ILRUN: variants seen among roughly 807,000 people sequenced by gnomAD.
The protein encoded by ILRUN is protein ILRUN.
Under a neutral mutation model 33.8 loss-of-function variants are expected in ILRUN, and 3 were observed. That is an observed-to-expected ratio of 0.09 (90% confidence interval 0.04 to 0.23). The LOEUF (loss-of-function observed/expected upper bound fraction) is 0.23, where lower values mean the gene tolerates loss of function less well. Among genes scored for constraint, ILRUN ranks in the 10% least tolerant of loss-of-function variants. The pLI is 1.00. For synonymous variants in ILRUN, 124 were observed against 138.9 expected (o/e 0.89, Z 0.75); for missense variants, 210 against 375.1 (o/e 0.56, Z 3.64).
chr6:34,613,082 G>A (rs1459485155), intron 3 of ILRUN, among the ~76,000 whole-genome samples: 1 of 151,932 alleles, frequency 6.6e-6, no homozygotes, highest in Non-Finnish European at 1.5e-5. Flanking sequence ...GTGGTGGTGT[G>A]CACCTGTAGT....
Position 34,664,552 on chromosome 6 carries a change from A to AT in ILRUN, c.159-9774dup, listed in dbSNP as rs144642525. 2.3e-3 allele frequency among the ~76,000 whole-genome samples: 347 copies of AT among 152,346 alleles called. 1 individual carries two copies. The highest frequency in any genetic ancestry group is 7.8e-3 in the African/African-American group (325 of 41,574). Reference sequence around the variant, plus strand: ...GAACTCAATTTGCCATCAAAGATACATATTTAGAAATAACTCCCATTCTTG... The same window carrying AT: ...GAACTCAATTTGCCATCAAAGATACATTATTTAGAAATAACTCCCATTCTTG... On this transcript the variant is annotated intron_variant, in intron 1 of 4. Transcript: ENST00000374023.
chr6:34,643,004 A>AAG (rs200742555), intron 3 of ILRUN, among the ~76,000 whole-genome samples: 1 of 150,520 alleles, frequency 6.6e-6, no homozygotes, highest in South Asian at 2.1e-4. Context: ...GAAAGAATGA[A>AAG]AGAGAGAGAG....
At chr6:34,618,167 G>C (rs1761937841) in intron 3 of ILRUN, among the ~76,000 whole-genome samples, 1 of 152,102 alleles carries the variant, frequency 6.6e-6, no homozygotes, top group African/African-American at 2.4e-5. Context: ...ATGAAAATCT[G>C]TTCAGAATGA....
At chr6:34,602,681 C>T (rs887383474) in intron 4 of ILRUN, among the ~76,000 whole-genome samples, 2 of 152,200 alleles carry the variant, frequency 1.3e-5, no homozygotes, top group African/African-American at 4.8e-5. Flanking sequence ...GACAGTTCAG[C>T]CACAACTGAG....
chr6:34,692,671 A>C (rs1221531730), intron 1 of ILRUN, among the ~76,000 whole-genome samples: 1 of 152,168 alleles, frequency 6.6e-6, no homozygotes, highest in African/African-American at 2.4e-5. Context: ...ACAGTGGCTC[A>C]TGTCTATAAT....
In ILRUN at chr6:34,588,328, C is replaced by A; in HGVS notation, c.*2237G>T. 2.5e-6 allele frequency: 1 copy of A among 398,020 alleles called. No individual in the cohort carries two copies. Among genetic ancestry groups the A allele is most frequent in the Non-Finnish European group, 4.4e-6 (1 of 226,032 alleles). 24.7% of individuals were successfully genotyped at this position (398,020 alleles called of 1,614,324 possible). ...ACTCTGGCAGGCCCAGACCCACTGACGGTGGCCCATGAAGCCCCTGCTGGG... is the reference window on the plus strand; with the variant it reads ...ACTCTGGCAGGCCCAGACCCACTGAAGGTGGCCCATGAAGCCCCTGCTGGG... On this transcript the variant is annotated 3_prime_UTR_variant, in exon 5 of 5. Transcript: ENST00000374023.
intron 3 of ILRUN, among the ~76,000 whole-genome samples, chr6:34,630,731 A>C (rs775301930): frequency 1.1e-4 from 16 of 151,970 alleles, no homozygotes; most frequent in Non-Finnish European, 1.9e-4. Flanking sequence ...CCCAGGCTGG[A>C]CTTGAACTCC....
intron 1 of ILRUN, among the ~76,000 whole-genome samples, chr6:34,661,014 T>C (rs1328417502): frequency 6.6e-6 from 1 of 152,248 alleles, no homozygotes; most frequent in East Asian, 1.9e-4. Flanking sequence ...ACCCACTTCT[T>C]AGAGCCCTAT....
chr6:34,627,960 C>T (rs1030815997), intron 3 of ILRUN, among the ~76,000 whole-genome samples: 4 of 142,448 alleles, frequency 2.8e-5, no homozygotes, highest in East Asian at 3.9e-4. Flanking sequence ...CGCCTCAGTC[C>T]CCGAAGTACT....
intron 1 of ILRUN, among the ~76,000 whole-genome samples, chr6:34,690,460 CA>C (rs935313700): frequency 2.1e-5 from 3 of 143,340 alleles, no homozygotes; most frequent in African/African-American, 2.6e-5. Flanking sequence ...AACTATGTCT[CA>C]AAAAAAAATT....
intron 1 of ILRUN, among the ~76,000 whole-genome samples, chr6:34,670,924 A>G (rs543101905): frequency 6.6e-6 from 1 of 152,178 alleles, no homozygotes; most frequent in Admixed American, 6.6e-5. Flanking sequence ...CTAATTGCAG[A>G]TTACCTAAAA....
intron 1 of ILRUN, among the ~76,000 whole-genome samples, chr6:34,664,103 C>T (rs977127292): frequency 4.6e-5 from 7 of 152,250 alleles, no homozygotes; most frequent in African/African-American, 1.2e-4. Flanking sequence ...GTGTTGATGA[C>T]GCCATGATTT....
chr6:34,696,098 A>C (rs1312274251), intron 1 of ILRUN, among the ~76,000 whole-genome samples: 4 of 151,680 alleles, frequency 2.6e-5, no homozygotes, highest in Non-Finnish European at 5.9e-5. Context: ...CTCAGCCAAC[A>C]CCATAACCCT....
chr6:34,624,947 A>T (rs1456699392), intron 3 of ILRUN, among the ~76,000 whole-genome samples: 1 of 152,224 alleles, frequency 6.6e-6, no homozygotes, highest in African/African-American at 2.4e-5. Flanking sequence ...CTCCTGAAAG[A>T]GGATGGGCTT....
In ILRUN at chr6:34,671,708, C is replaced by T. The variant is rs78672122; in HGVS notation, c.159-16929G>A. On this transcript the variant is annotated intron_variant, in intron 1 of 4. Coordinates refer to ENST00000374023, the MANE Select transcript of ILRUN (RefSeq NM_024294.4). ...GAATGCATGCATTAGCCTCAGCTCC[C>T]TTCCTAAGCCCTCCTAAAATACAGG... 2.8e-4 allele frequency: 43 copies of T among 152,340 alleles called. No homozygotes were observed. The East Asian group carries it at 7.5e-3, about 27-fold the overall frequency. 9.4% of individuals were successfully genotyped at this position (152,340 alleles called of 1,614,324 possible).
chr6:34,621,668 G>T (rs1160951629), intron 3 of ILRUN, among the ~76,000 whole-genome samples: 1 of 152,034 alleles, frequency 6.6e-6, no homozygotes, highest in Non-Finnish European at 1.5e-5. Flanking sequence ...AGACCAGCCT[G>T]GCTAAACATG....
At chr6:34,661,244 GT>G (rs1762879008) in intron 1 of ILRUN, among the ~76,000 whole-genome samples, 1 of 152,112 alleles carries the variant, frequency 6.6e-6, no homozygotes, top group Non-Finnish European at 1.5e-5. Flanking sequence ...GAATATCCTT[GT>G]TTTTAAAAAA....
At chr6:34,604,140 T>C (rs925325433) in intron 4 of ILRUN, among the ~76,000 whole-genome samples, 2 of 152,228 alleles carry the variant, frequency 1.3e-5, no homozygotes, top group African/African-American at 4.8e-5. Flanking sequence ...TACTTCTAAA[T>C]GATCCTACAA....
At chr6:34,598,190 G>A (rs1291352303) in intron 4 of ILRUN, among the ~76,000 whole-genome samples, 1 of 152,152 alleles carries the variant, frequency 6.6e-6, no homozygotes, top group Non-Finnish European at 1.5e-5. Flanking sequence ...ATTATTGACT[G>A]TGTAAAGCAA....
Sources: gnomAD v4.1 joint callset for allele counts (sites outside exome capture counted in the v4.1 genomes callset) on GRCh38, gnomAD v4.1.1 for gene constraint, MANE v1.5 for transcripts, NCBI Gene and HGNC (gene_info 2026-07-23, HGNC 2026-07-21) for gene names.